HECW2: variants seen among roughly 807,000 people sequenced by gnomAD.
HECW2 encodes E3 ubiquitin-protein ligase HECW2.
Under a neutral mutation model 175.2 loss-of-function variants are expected in HECW2, and 61 were observed. That is an observed-to-expected ratio of 0.35 (90% CI 0.28 to 0.43). The LOEUF (loss-of-function observed/expected upper bound fraction) is 0.43. HECW2 is among the 20% of genes least tolerant of loss of function. The pLI is 1.00. For synonymous variants in HECW2, 671 were observed against 731.0 expected (o/e 0.92, Z 1.32); for missense variants, 1,524 against 2,000.5 (o/e 0.76, Z 4.54).
At chr2:196,376,825 T>G (rs1398643347) in intron 2 of HECW2, among the ~76,000 whole-genome samples, 1 of 151,078 alleles carries the variant, frequency 6.6e-6, no homozygotes, top group Non-Finnish European at 1.5e-5. Flanking sequence ...TCCCAGCTAC[T>G]CAAGAGGCTG....
At chr2:196,447,917 T>G (rs755889335) in intron 1 of HECW2, among the ~76,000 whole-genome samples, 1 of 151,930 alleles carries the variant, frequency 6.6e-6, no homozygotes, top group East Asian at 1.9e-4. Flanking sequence ...AAGCTAGCCA[T>G]GCGTGGTGGC....
intron 15 of HECW2, among the ~76,000 whole-genome samples, chr2:196,278,133 A>AAAAT (rs531920307): frequency 1.5e-5 from 1 of 66,570 alleles, no homozygotes; most frequent in African/African-American, 4.1e-5. Flanking sequence ...ATAATTAAAA[A>AAAAT]ATATATATAT....
chr2:196,428,925 T>C (rs1411829905), intron 2 of HECW2, among the ~76,000 whole-genome samples: 1 of 152,184 alleles, frequency 6.6e-6, no homozygotes, highest in Admixed American at 6.5e-5. Context: ...TTCCCACATA[T>C]AACATGAACT....
At chr2:196,351,168 T>C (rs1185078315) in intron 2 of HECW2, among the ~76,000 whole-genome samples, 1 of 151,722 alleles carries the variant, frequency 6.6e-6, no homozygotes, top group African/African-American at 2.4e-5. Flanking sequence ...AGTAGTCTTT[T>C]AAAAAACTAA....
At position 196,265,542 on chromosome 2, in the gene HECW2, C is replaced by A. The variant is rs78666783; in HGVS notation, c.3335+5651G>T. Among the ~76,000 whole-genome samples, 128 of 152,128 alleles carry A rather than the reference C, an allele frequency of 8.4e-4. No individual in the cohort carries two copies. The East Asian group carries it at 0.023, about 28-fold the overall frequency. On this transcript the variant is annotated intron_variant, in intron 17 of 28. Coordinates refer to ENST00000644978, the MANE Select transcript of HECW2 (RefSeq NM_001348768.2). Reference sequence around the variant, plus strand: ...GATCCTAGTTGCATTTAAATTATATCCACAGAATCACACTGGTCCATTTAT... The same window carrying A: ...GATCCTAGTTGCATTTAAATTATATACACAGAATCACACTGGTCCATTTAT...
At chr2:196,301,733 T>C (rs1691065750) in intron 13 of HECW2, among the ~76,000 whole-genome samples, 2 of 152,094 alleles carry the variant, frequency 1.3e-5, no homozygotes, top group South Asian at 4.1e-4. Flanking sequence ...TTGTTTTTTT[T>C]TTTTTTTTCT....
At chr2:196,207,306 T>C (rs950247451) in intron 28 of HECW2, among the ~76,000 whole-genome samples, 1 of 152,184 alleles carries the variant, frequency 6.6e-6, no homozygotes, top group Admixed American at 6.5e-5. Context: ...AGTTACCAAT[T>C]AAATAGAGTG....
chr2:196,214,626 A>G (rs1440711757), intron 28 of HECW2, among the ~76,000 whole-genome samples: 1 of 152,246 alleles, frequency 6.6e-6, no homozygotes, highest in Non-Finnish European at 1.5e-5. Context: ...GCCAGGTAAT[A>G]CTTAGGTGTC....
At chr2:196,311,439 T>C (rs1027709380) in intron 10 of HECW2, among the ~76,000 whole-genome samples, 2 of 152,202 alleles carry the variant, frequency 1.3e-5, no homozygotes, top group South Asian at 4.1e-4. Context: ...GCTAGTTTGC[T>C]GAACAAACCC....
chr2:196,257,387 C>T (rs12474776), intron 18 of HECW2, among the ~76,000 whole-genome samples: 6,261 of 152,056 alleles, frequency 0.041, 248 homozygotes, highest in East Asian at 0.17. Context: ...AAACGTACAC[C>T]CTCAAAACCA....
At chr2:196,580,941 C>T (rs1193601115) in intron 1 of HECW2, among the ~76,000 whole-genome samples, 1 of 152,186 alleles carries the variant, frequency 6.6e-6, no homozygotes, top group Non-Finnish European at 1.5e-5. Context: ...GAACAAAACT[C>T]ATGCAGTGAA....
At chr2:196,480,580 G>A (rs557514604) in intron 1 of HECW2, among the ~76,000 whole-genome samples, 18 of 152,342 alleles carry the variant, frequency 1.2e-4, no homozygotes, top group Admixed American at 3.9e-4. Context: ...AACTCAGTCC[G>A]TGAGTTTTCT....
chr2:196,329,514 T>A, intron 5 of HECW2, 61 bp downstream of exon 5: 2 of 1,348,078 alleles, frequency 1.5e-6, no homozygotes, highest in Non-Finnish European at 2.1e-6. Context: ...AAGAAGTGAC[T>A]ATTCATACCT....
chr2:196,497,524 T>C (rs1307811706), intron 1 of HECW2, among the ~76,000 whole-genome samples: 2 of 152,148 alleles, frequency 1.3e-5, no homozygotes, highest in Non-Finnish European at 2.9e-5. Flanking sequence ...ACTGTCGGGA[T>C]CCAGAAAACA....
At chr2:196,468,165 C>T (rs1697039395) in intron 1 of HECW2, among the ~76,000 whole-genome samples, 1 of 152,080 alleles carries the variant, frequency 6.6e-6, no homozygotes, top group Non-Finnish European at 1.5e-5. Flanking sequence ...CAGCTAATTT[C>T]TGTATTTTTA....
At position 196,197,404 on chromosome 2, in the gene HECW2, T is replaced by C. The variant is rs146261789; in HGVS notation, c.*3873A>G. ...AATAAAATAAGGCTTCTGATTAATGTTTTCCATTATCTTGTTTCCAAATAA... is the reference window on the plus strand; with the variant it reads ...AATAAAATAAGGCTTCTGATTAATGCTTTCCATTATCTTGTTTCCAAATAA... On this transcript the variant is annotated 3_prime_UTR_variant, in exon 29 of 29. Transcript: ENST00000644978. 4.6e-5 allele frequency: 7 copies of C among 151,514 alleles called. No individual in the cohort carries two copies. Among genetic ancestry groups the C allele is most frequent in the Non-Finnish European group, 8.8e-5 (6 of 67,942 alleles). The allele number at this position is 151,514 out of a possible 1,614,324, so 9.4% of individuals were successfully genotyped here. A position where few individuals can be genotyped will look rare whatever the true frequency, so the allele number is the denominator to read the frequency against.
chr2:196,386,945 TA>T (rs1408273876), intron 2 of HECW2, among the ~76,000 whole-genome samples: 1 of 152,192 alleles, frequency 6.6e-6, no homozygotes, highest in African/African-American at 2.4e-5. Context: ...TTATAGCTTA[TA>T]ACAAGGCTAT....
intron 19 of HECW2, among the ~76,000 whole-genome samples, chr2:196,251,563 T>C (rs1008468921): frequency 4.2e-4 from 64 of 152,138 alleles, no homozygotes; most frequent in African/African-American, 1.5e-3. Flanking sequence ...CCAATTTGAG[T>C]CTAACCATTT....
chr2:196,364,843 G>A lies in HECW2; in HGVS notation c.293-21079C>T, dbSNP rs547126521. On this transcript the variant is annotated intron_variant, in intron 2 of 28. Coordinates refer to ENST00000644978, the MANE Select transcript of HECW2 (RefSeq NM_001348768.2). The stretch of plus-strand genomic sequence containing the variant: ...TATGGATGGGCCATCAACATGACGT[G>A]GTCAGGAGAAAAAGAGAAAGCTCAC... Among the ~76,000 whole-genome samples, 4 of 152,236 alleles carry A rather than the reference G, an allele frequency of 2.6e-5. No individual in the cohort carries two copies. The East Asian group carries it at 5.8e-4, about 22-fold the overall frequency.
Sources: allele counts gnomAD v4.1 joint callset (sites outside exome capture counted in the v4.1 genomes callset), GRCh38; gene constraint gnomAD v4.1.1; transcripts MANE v1.5; gene names NCBI Gene and HGNC (gene_info 2026-07-23, HGNC 2026-07-21).